Variants in RAB5B observed in about 807,000 individuals in gnomAD.
The protein encoded by RAB5B is ras-related protein Rab-5B.
RAB5B carries 11 observed loss-of-function variants against 28.6 expected under a neutral mutation model. The observed-to-expected ratio is 0.38, with a 90% CI of 0.24 to 0.64. The LOEUF is 0.64. Ranked by LOEUF, RAB5B falls within the 30% of genes least tolerant of loss-of-function variation. The pLI is 0.53. For missense variants in RAB5B, 169 were observed against 265.6 expected, an observed-to-expected ratio of 0.64 and a Z score of 2.53; for synonymous variants, 93 against 97.9, an observed-to-expected ratio of 0.95 and a Z score of 0.29.
At chr12:55,989,343 T>G (rs1388430804) in intron 2 of RAB5B, among the ~76,000 whole-genome samples, 1 of 152,162 alleles carries the variant, frequency 6.6e-6, no homozygotes, top group Non-Finnish European at 1.5e-5. Context: ...GGCGCCATCT[T>G]GGCTCACTGC....
intron 1 of RAB5B, among the ~76,000 whole-genome samples, chr12:55,975,396 A>T (rs1889617127): frequency 6.6e-6 from 1 of 152,168 alleles, no homozygotes; most frequent in African/African-American, 2.4e-5. Context: ...AAAAGCCCAG[A>T]TTTCTGTGCT....
intron 4 of RAB5B, 113 bp downstream of exon 4, chr12:55,990,917 C>G: frequency 7.5e-7 from 1 of 1,337,916 alleles, no homozygotes; most frequent in Non-Finnish European, 1.0e-6. Flanking sequence ...TGTCTCATTC[C>G]CCAGTTCTAC....
chr12:55,988,614 G>A (rs763216022), intron 2 of RAB5B, among the ~76,000 whole-genome samples: 30 of 151,490 alleles, frequency 2.0e-4, no homozygotes, highest in Non-Finnish European at 3.2e-4. Context: ...AGTGATTCTC[G>A]TGCCTCAGCC....
chr12:55,990,139 G>A lies in RAB5B; in HGVS notation c.315+41G>A, dbSNP rs1354531915. The A allele has an allele frequency of 3.2e-6, 5 of 1,577,640 alleles. No homozygotes were observed. In the East Asian group the frequency reaches 9.1e-5, roughly 29 times the overall value. ...AGACTGTCCTTGTTGGCTGGACATG[G>A]TGGCTTACGCCTATAATCCCAACAC... On this transcript the variant is annotated intron_variant, in intron 3 of 5. Transcript: ENST00000360299.
chr12:55,974,537 C>T (rs1302478424), intron 1 of RAB5B, among the ~76,000 whole-genome samples: 1 of 152,110 alleles, frequency 6.6e-6, no homozygotes, highest in Non-Finnish European at 1.5e-5. Flanking sequence ...TCGCCCGAGC[C>T]CCGGGGGTGA....
rs1355677394 is a variant in RAB5B at position 55,994,570 on chromosome 12, G to A, written c.*2358G>A. ...GTCAGTTTTTTTAAGGGGGGGTGTT[G>A]TGGTTTTTTGTTTTTGTTTTGCTTC... On this transcript the variant is annotated 3_prime_UTR_variant, in exon 6 of 6. Transcript: ENST00000360299. 1.3e-5 allele frequency: 2 copies of A among 152,222 alleles called. No individual in the cohort carries two copies. The highest frequency in any genetic ancestry group is 2.4e-5 in the African/African-American group (1 of 41,298). 9.4% of individuals were successfully genotyped at this position (152,222 alleles called of 1,614,324 possible).
intron 1 of RAB5B, 54 bp from the exon 2 acceptor site, chr12:55,986,815 G>A (rs182889751): frequency 2.7e-5 from 18 of 676,108 alleles, no homozygotes; most frequent in Admixed American, 1.6e-4. Context: ...TCTGAAAAGC[G>A]ATTGCAGCTT....
intron 4 of RAB5B, 167 bp downstream of exon 4, chr12:55,990,971 G>A (rs975363191): frequency 2.1e-5 from 19 of 914,620 alleles, no homozygotes; most frequent in Non-Finnish European, 3.1e-5. Context: ...TGACAGCCAG[G>A]AGATTTTCAA....
intron 1 of RAB5B, among the ~76,000 whole-genome samples, chr12:55,984,203 T>TTTTTTTTTG: frequency 6.6e-6 from 1 of 150,640 alleles, no homozygotes; most frequent in African/African-American, 2.4e-5. Context: ...TTTTTTTTTT[T>TTTTTTTTTG]AGACTGAGTC....
intron 1 of RAB5B, among the ~76,000 whole-genome samples, chr12:55,983,591 G>A (rs1334853198): frequency 6.6e-6 from 1 of 151,436 alleles, no homozygotes; most frequent in African/African-American, 2.4e-5. Context: ...GTCTACTTTG[G>A]GACCTTGAGT....
At chr12:55,991,289 G>A (rs1311966065) in intron 4 of RAB5B, 71 bp from the exon 5 acceptor site, 2 of 1,195,208 alleles carry the variant, frequency 1.7e-6, no homozygotes, top group Admixed American at 3.4e-5. Context: ...CTGTTGTGCT[G>A]CATGGGAGTG....
At chr12:55,975,790 CTTT>C (rs1163535431) in intron 1 of RAB5B, among the ~76,000 whole-genome samples, 1 of 115,138 alleles carries the variant, frequency 8.7e-6, no homozygotes. Context: ...CACTACATTT[CTTT>C]TTTTTTTTTT....
intron 1 of RAB5B, among the ~76,000 whole-genome samples, chr12:55,976,848 G>A (rs1003649512): frequency 1.3e-5 from 2 of 152,086 alleles, no homozygotes; most frequent in Non-Finnish European, 2.9e-5. Context: ...AATTGAATTT[G>A]TCCTTACTAG....
chr12:55,989,431 C>A (rs913061336), intron 2 of RAB5B, among the ~76,000 whole-genome samples: 4 of 152,046 alleles, frequency 2.6e-5, no homozygotes, highest in Admixed American at 6.6e-5. Flanking sequence ...TCCACCACCA[C>A]GCCTGGCTAA....
chr12:55,989,357 C>A (rs186579701), intron 2 of RAB5B, among the ~76,000 whole-genome samples: 31 of 152,224 alleles, frequency 2.0e-4, no homozygotes, highest in Admixed American at 6.5e-4. Context: ...TCACTGCAAC[C>A]TCCACCTCCC....
chr12:55,991,032 G>T (rs1890100020), intron 4 of RAB5B: 4 of 557,670 alleles, frequency 7.2e-6, no homozygotes, highest in Non-Finnish European at 1.3e-5. Context: ...TACCAGCTGT[G>T]GGGGTACCAG....
chr12:55,983,918 C>T (rs1012820341), intron 1 of RAB5B, among the ~76,000 whole-genome samples: 2 of 152,092 alleles, frequency 1.3e-5, no homozygotes, highest in Non-Finnish European at 2.9e-5. Flanking sequence ...CTTTTATCTC[C>T]CAAACCCCTG....
At chr12:55,990,609 G>A in intron 3 of RAB5B, 73 bp from the exon 4 acceptor site, 1 of 1,575,480 alleles carries the variant, frequency 6.3e-7, no homozygotes, top group South Asian at 1.1e-5. Flanking sequence ...TGAATTTTGA[G>A]ACTCATTTTA....
rs551603384 is a variant in RAB5B at position 55,980,013 on chromosome 12, G to C, written c.-93+5874G>C. Among the ~76,000 whole-genome samples the C allele has an allele frequency of 1.6e-4, 25 of 152,208 alleles. No homozygotes were observed. In the South Asian group the frequency reaches 4.8e-3, roughly 29 times the overall value. ...GGCCTTTAATACCAAGAAAGACCAT[G>C]ACAAGTGACAGAACAGGAGCAAATT... On this transcript the variant is annotated intron_variant, in intron 1 of 5. Transcript: ENST00000360299.
Sources: allele counts gnomAD v4.1 joint callset (sites outside exome capture counted in the v4.1 genomes callset), GRCh38; gene constraint gnomAD v4.1.1; transcripts MANE v1.5; gene names NCBI Gene and HGNC (gene_info 2026-07-23, HGNC 2026-07-21).